The following IL18BP variants were observed in gnomAD, a reference collection of about 807,000 sequenced individuals.
IL18BP encodes the protein interleukin-18-binding protein.
IL18BP carries 23 observed loss-of-function variants against 19.9 expected under a neutral mutation model. The ratio of observed to expected loss-of-function variants is 1.15; its 90% CI spans 0.83 to 1.64. The LOEUF (loss-of-function observed/expected upper bound fraction) is 1.64, where lower values mean the gene tolerates loss of function less well. Ranked by LOEUF, IL18BP falls within the 40% of genes most tolerant of loss-of-function variation. The pLI is 0.00. For missense variants in IL18BP, 239 were observed against 240.7 expected, an observed-to-expected ratio of 0.99 and a Z score of 0.05; for synonymous variants, 107 against 101.0, an observed-to-expected ratio of 1.06 and a Z score of -0.35.
downstream of IL18BP, among the ~76,000 whole-genome samples, chr11:72,006,750 C>G (rs554340861): frequency 6.6e-6 from 1 of 152,210 alleles, no homozygotes; most frequent in African/African-American, 2.4e-5. Flanking sequence ...ACACAGGTCC[C>G]CCCTGCTGTA....
downstream of IL18BP, chr11:72,004,336 C>T (rs1388624325): frequency 2.5e-6 from 4 of 1,612,444 alleles, no homozygotes; most frequent in Non-Finnish European, 3.4e-6. Context: ...TGGTGGCCTT[C>T]TTAGACTATG....
At chr11:72,006,333 C>T (rs191910748), downstream of IL18BP, 989 of 1,367,306 alleles carry the variant, frequency 7.2e-4, 5 homozygotes, top group African/African-American at 0.012. Flanking sequence ...CATTCCCTTC[C>T]GAAGCCCTCA....
At chr11:71,999,792 C>T (rs939102934) in intron 1 of IL18BP, 135 bp from the exon 2 acceptor site, 1 of 595,300 alleles carries the variant, frequency 1.7e-6, no homozygotes, top group Non-Finnish European at 3.0e-6. Context: ...GTCACTTGAC[C>T]CCCCCAGCTC....
chr11:72,003,572 A>G, downstream of IL18BP: 7 of 1,613,890 alleles, frequency 4.3e-6, no homozygotes, highest in Non-Finnish European at 5.9e-6. Flanking sequence ...CCAGATGAGA[A>G]CTTGCGATAC....
chr11:72,005,022 C>G (rs1289733246), downstream of IL18BP, among the ~76,000 whole-genome samples: 1 of 152,146 alleles, frequency 6.6e-6, no homozygotes, highest in Non-Finnish European at 1.5e-5. Flanking sequence ...CAGTCCTGAC[C>G]AGATTCCTCT....
chr11:72,005,671 T>C (rs569570518), downstream of IL18BP: 62 of 497,216 alleles, frequency 1.2e-4, no homozygotes, highest in Non-Finnish European at 2.0e-4. Context: ...GGACCGGGAA[T>C]TAATTCCCAG....
chr11:72,001,599 T>C (rs1955245369), intron 5 of IL18BP, 47 bp downstream of exon 5: 1 of 1,595,512 alleles, frequency 6.3e-7, no homozygotes, highest in African/African-American at 1.3e-5. Context: ...GAGCTCTGCT[T>C]CCATATGTGG....
At chr11:72,004,824 G>C (rs765574311), downstream of IL18BP, 6 of 1,556,950 alleles carry the variant, frequency 3.9e-6, no homozygotes, top group Non-Finnish European at 5.2e-6. Flanking sequence ...AGGCTGCATG[G>C]GTGGAAGAGG....
chr11:72,005,592 G>A (rs1955631297), downstream of IL18BP: 2 of 549,634 alleles, frequency 3.6e-6, no homozygotes, highest in Admixed American at 3.7e-5. Context: ...GAGGTCACAC[G>A]CAGAGACTGC....
chr11:72,004,021 C>T (rs1244056069), downstream of IL18BP: 4 of 1,613,316 alleles, frequency 2.5e-6, no homozygotes, highest in African/African-American at 1.3e-5. Context: ...TTCTTTGAGG[C>T]TCCCCGCCGC....
At chr11:72,008,056 CA>C (rs1307511378), downstream of IL18BP, 3 of 468,962 alleles carry the variant, frequency 6.4e-6, no homozygotes, top group Non-Finnish European at 1.3e-5. Context: ...CTCTATGCCC[CA>C]GATTCATCTG....
chr11:72,002,831 CT>C, downstream of IL18BP: 1 of 200,306 alleles, frequency 5.0e-6, no homozygotes, highest in Non-Finnish European at 1.0e-5. Context: ...CTATATTCCT[CT>C]TTTTCCCACA....
chr11:72,003,394 C>G (rs1955394122), downstream of IL18BP: 3 of 878,196 alleles, frequency 3.4e-6, no homozygotes, highest in Admixed American at 3.6e-5. Flanking sequence ...TGCGGGCAGG[C>G]ATCACTGTCT....
rs766338983 is a variant in IL18BP, at chr11:72,001,363, T to C, written c.359+39T>C. The C allele has an allele frequency of 3.5e-5, 57 of 1,614,200 alleles. 2 individuals are homozygous for C. The South Asian group carries it at 6.1e-4, about 17-fold the overall frequency. On this transcript the variant is annotated intron_variant, in intron 4 of 5. Coordinates refer to ENST00000393703, the MANE Select transcript of IL18BP (RefSeq NM_001039660.2). The stretch of plus-strand genomic sequence containing the variant: ...CAGCCAGGTGGGTGGGAAGGAGGCC[T>C]TCTGCGGCCTTCTCATGACCTTTCC...
At chr11:72,007,839 C>G (rs1346510483), downstream of IL18BP, 3 of 350,016 alleles carry the variant, frequency 8.6e-6, no homozygotes, top group Non-Finnish European at 1.6e-5. Flanking sequence ...GCTTGGCGAG[C>G]CCAATCACCA....
chr11:72,000,152 G>C (rs1955135139), intron 2 of IL18BP, 140 bp downstream of exon 2: 1 of 971,562 alleles, frequency 1.0e-6, no homozygotes, highest in East Asian at 2.5e-5. Context: ...AACCTGGGCA[G>C]ATATTGTAGC....
downstream of IL18BP, chr11:72,006,260 G>C: frequency 3.1e-6 from 5 of 1,613,386 alleles, no homozygotes; most frequent in Admixed American, 1.7e-5. Flanking sequence ...TCCACATCTA[G>C]CTTCTGGAAG....
At chr11:72,005,120 C>A, downstream of IL18BP, 1 of 1,232,440 alleles carries the variant, frequency 8.1e-7, no homozygotes. Context: ...GGTCACCCTC[C>A]CCCTCCTCGG....
intron 1 of IL18BP, chr11:71,999,469 C>A: frequency 4.7e-6 from 1 of 213,332 alleles, no homozygotes; most frequent in Non-Finnish European, 9.7e-6. Context: ...GTAGGAGTCC[C>A]AGGAGCTGAA....
Sources: gnomAD v4.1 joint callset for allele counts (sites outside exome capture counted in the v4.1 genomes callset) on GRCh38, gnomAD v4.1.1 for gene constraint, MANE v1.5 for transcripts, NCBI Gene and HGNC (gene_info 2026-07-23, HGNC 2026-07-21) for gene names.